Variants in CACNG2 observed in about 807,000 individuals in gnomAD.
CACNG2 encodes calcium voltage-gated channel auxiliary subunit gamma 2.
Under a neutral mutation model 25.9 loss-of-function variants are expected in CACNG2, and 3 were observed. The ratio of observed to expected loss-of-function variants is 0.12; its 90% CI spans 0.05 to 0.30. The LOEUF is 0.30. CACNG2 is among the 10% of genes least tolerant of loss of function. The pLI, the probability that CACNG2 is intolerant of heterozygous loss-of-function variation, is 1.00. For synonymous variants in CACNG2, 167 were observed against 173.3 expected (o/e 0.96, Z 0.29); for missense variants, 341 against 432.5 (o/e 0.79, Z 1.88).
At chr22:36,592,873 G>A (rs1603501080) in intron 1 of CACNG2, among the ~76,000 whole-genome samples, 1 of 152,202 alleles carries the variant, frequency 6.6e-6, no homozygotes, top group African/African-American at 2.4e-5. Context: ...GGTCAGGGCC[G>A]GGAATGGGAA....
chr22:36,680,508 T>C (rs1280667275), intron 1 of CACNG2, among the ~76,000 whole-genome samples: 2 of 128,994 alleles, frequency 1.6e-5, no homozygotes, highest in East Asian at 2.5e-4. Context: ...CCATCAATCA[T>C]CACCACCTTC....
At chr22:36,587,058 G>A (rs1303187425) in intron 2 of CACNG2, among the ~76,000 whole-genome samples, 3 of 151,614 alleles carry the variant, frequency 2.0e-5, no homozygotes, top group Admixed American at 6.6e-5. Flanking sequence ...CACATGCCAA[G>A]CACTGGGCTG....
chr22:36,667,056 C>T (rs970670744), intron 1 of CACNG2, among the ~76,000 whole-genome samples: 1 of 150,762 alleles, frequency 6.6e-6, no homozygotes, highest in African/African-American at 2.4e-5. Context: ...GTGGCCCAAT[C>T]TTGGCTCACT....
intron 1 of CACNG2, among the ~76,000 whole-genome samples, chr22:36,657,144 G>C (rs926747928): frequency 2.0e-5 from 3 of 152,308 alleles, no homozygotes; most frequent in African/African-American, 7.2e-5. Context: ...TCTGATGTTT[G>C]CTAGGATTGT....
chr22:36,585,967 C>T (rs1305407460), intron 2 of CACNG2, among the ~76,000 whole-genome samples: 1 of 152,246 alleles, frequency 6.6e-6, no homozygotes, highest in Non-Finnish European at 1.5e-5. Flanking sequence ...GTTTTCTGCC[C>T]CCAGGCACTT....
intron 2 of CACNG2, among the ~76,000 whole-genome samples, chr22:36,574,246 G>C (rs1181323785): frequency 6.6e-6 from 1 of 152,230 alleles, no homozygotes; most frequent in East Asian, 1.9e-4. Context: ...GCAGTGAGAA[G>C]GCTACTGCAG....
chr22:36,614,669 T>G (rs1935996870), intron 1 of CACNG2, among the ~76,000 whole-genome samples: 1 of 151,740 alleles, frequency 6.6e-6, no homozygotes, highest in Non-Finnish European at 1.5e-5. Flanking sequence ...GGCAGGGTGG[T>G]GGGAGCAGCA....
At chr22:36,635,463 CT>C in intron 1 of CACNG2, among the ~76,000 whole-genome samples, 1 of 152,182 alleles carries the variant, frequency 6.6e-6, no homozygotes. Context: ...GACAAAGATG[CT>C]TGTTACTGGG....
chr22:36,608,085 T>A (rs746601385), intron 1 of CACNG2, among the ~76,000 whole-genome samples: 2 of 152,086 alleles, frequency 1.3e-5, no homozygotes, highest in Non-Finnish European at 2.9e-5. Context: ...TCCGGGTAAG[T>A]GTTGTGTTTT....
intron 1 of CACNG2, among the ~76,000 whole-genome samples, chr22:36,700,660 G>C (rs1937400023): frequency 6.6e-6 from 1 of 152,194 alleles, no homozygotes; most frequent in South Asian, 2.1e-4. Context: ...TTAATGACTA[G>C]CTGTATGAAA....
intron 1 of CACNG2, among the ~76,000 whole-genome samples, chr22:36,598,196 G>A (rs1202357758): frequency 6.6e-6 from 1 of 152,176 alleles, no homozygotes; most frequent in Non-Finnish European, 1.5e-5. Context: ...AAATGAATGA[G>A]TTAGTGTGTG....
chr22:36,565,389 G>A (rs1485048988), intron 3 of CACNG2, among the ~76,000 whole-genome samples: 1 of 152,218 alleles, frequency 6.6e-6, no homozygotes, highest in Non-Finnish European at 1.5e-5. Flanking sequence ...TTCCAGATCT[G>A]TAGAATGGGA....
At chr22:36,658,858 C>T (rs1179208801) in intron 1 of CACNG2, among the ~76,000 whole-genome samples, 1 of 152,082 alleles carries the variant, frequency 6.6e-6, no homozygotes, top group Non-Finnish European at 1.5e-5. Flanking sequence ...GTGGTCAGGA[C>T]TGGCTCCCTG....
intron 2 of CACNG2, among the ~76,000 whole-genome samples, chr22:36,576,558 A>G (rs1388806426): frequency 6.9e-6 from 1 of 144,390 alleles, no homozygotes; most frequent in Admixed American, 6.8e-5. Flanking sequence ...ACACTCCAAA[A>G]TGCCTCTGTG....
intron 1 of CACNG2, among the ~76,000 whole-genome samples, chr22:36,683,045 T>C (rs1937147198): frequency 6.6e-6 from 1 of 152,250 alleles, no homozygotes; most frequent in African/African-American, 2.4e-5. Flanking sequence ...AACTAGCTCA[T>C]GATCGCTCCG....
chr22:36,622,992 A>C, intron 1 of CACNG2, among the ~76,000 whole-genome samples: 1 of 143,396 alleles, frequency 7.0e-6, no homozygotes, highest in Non-Finnish European at 1.5e-5. Context: ...CCTCTTTCTC[A>C]TTCAGTCTTC....
chr22:36,641,877 A>C (rs1293227749), intron 1 of CACNG2, among the ~76,000 whole-genome samples: 2 of 152,202 alleles, frequency 1.3e-5, no homozygotes, highest in Non-Finnish European at 2.9e-5. Flanking sequence ...CTCAGAAATG[A>C]ATTTTTATTT....
In CACNG2 at chr22:36,657,531, G is replaced by A. The variant is rs552595183; in HGVS notation, c.211+44835C>T. The stretch of plus-strand genomic sequence containing the variant: ...AGCCCGGCTGGAGGACACGGGGGCC[G>A]GAATTGCTTTTATTGGATAAATCTT... On this transcript the variant is annotated intron_variant, in intron 1 of 3. Coordinates refer to ENST00000300105, the MANE Select transcript of CACNG2 (RefSeq NM_006078.5). Among the ~76,000 whole-genome samples the A allele has an allele frequency of 1.8e-3, 268 of 152,060 alleles. 2 individuals are homozygous for A. Among genetic ancestry groups the A allele is most frequent in the African/African-American group, 5.9e-3 (243 of 41,472 alleles).
At chr22:36,655,532 T>C (rs748894080) in intron 1 of CACNG2, among the ~76,000 whole-genome samples, 5 of 152,232 alleles carry the variant, frequency 3.3e-5, no homozygotes, top group Non-Finnish European at 5.9e-5. Context: ...AACTGTGTTT[T>C]ATCGCCCTTT....
Sources: gnomAD v4.1 joint callset for allele counts (sites outside exome capture counted in the v4.1 genomes callset) on GRCh38, gnomAD v4.1.1 for gene constraint, MANE v1.5 for transcripts, NCBI Gene and HGNC (gene_info 2026-07-23, HGNC 2026-07-21) for gene names.